Variants in PCYT1B observed in about 807,000 individuals in gnomAD.
PCYT1B encodes phosphate cytidylyltransferase 1B, choline.
Under a neutral mutation model 26.4 loss-of-function variants are expected in PCYT1B, and 10 were observed. That is an observed-to-expected ratio of 0.38 (90% CI 0.23 to 0.64). PCYT1B has a LOEUF of 0.64. Among genes scored for constraint, PCYT1B ranks in the 30% least tolerant of loss-of-function variants. The pLI is 0.56. For synonymous variants in PCYT1B, 131 were observed against 108.4 expected (o/e 1.21, Z -1.29); for missense variants, 161 against 292.7 (o/e 0.55, Z 3.28).
chrX:24,566,268 C>T (rs765575075), intron 7 of PCYT1B, among the ~76,000 whole-genome samples: 7 of 112,070 alleles, frequency 6.2e-5, no homozygotes, highest in East Asian at 2.8e-4. Context: ...TAACACACAA[C>T]ACTGCAAATT....
chrX:24,617,370 T>TG (rs1217125183), intron 2 of PCYT1B, among the ~76,000 whole-genome samples: 1 of 56,227 alleles, frequency 1.8e-5, no homozygotes, highest in South Asian at 7.7e-4. Context: ...TTGGTTTGTT[T>TG]GTTTTTTTTT....
chrX:24,648,156 A>G (rs191659515), upstream of PCYT1B, among the ~76,000 whole-genome samples: 1,152 of 111,994 alleles, frequency 0.01, 5 homozygotes, highest in Non-Finnish European at 0.018. Context: ...GTTAACGATC[A>G]GGTGCTTTAA....
chrX:24,579,564 A>G (rs1924140519), intron 5 of PCYT1B, 106 bp from the exon 6 acceptor site: 1 of 718,125 alleles, frequency 1.4e-6, no homozygotes, highest in Admixed American at 2.5e-5. Flanking sequence ...GCTCCTGGGT[A>G]TGCCAATGAA....
chrX:24,592,574 A>T (rs1167280697), intron 3 of PCYT1B, among the ~76,000 whole-genome samples: 2 of 111,172 alleles, frequency 1.8e-5, no homozygotes, highest in Admixed American at 1.9e-4. Context: ...TGATCTCCTG[A>T]TTCCAGCCTT....
At chrX:24,636,243 G>C (rs926127189) in intron 1 of PCYT1B, among the ~76,000 whole-genome samples, 17 of 112,439 alleles carry the variant, frequency 1.5e-4, no homozygotes, top group African/African-American at 4.5e-4. Context: ...ATACAATGTA[G>C]AGTGTTCCCT....
chrX:24,562,898 T>C (rs1304829527), intron 7 of PCYT1B, among the ~76,000 whole-genome samples: 1 of 110,364 alleles, frequency 9.1e-6, no homozygotes, highest in Non-Finnish European at 1.9e-5. Flanking sequence ...CGGCTAATTT[T>C]GTATTTTTAG....
intron 1 of PCYT1B, among the ~76,000 whole-genome samples, chrX:24,664,423 A>G (rs1450028280): frequency 8.9e-6 from 1 of 112,120 alleles, no homozygotes; most frequent in African/African-American, 3.2e-5. Context: ...AAAAAATCCA[A>G]GTAGTGTTCT....
chrX:24,634,038 G>A (rs184638741), intron 1 of PCYT1B, among the ~76,000 whole-genome samples: 1 of 110,624 alleles, frequency 9.0e-6, no homozygotes, highest in East Asian at 2.8e-4. Context: ...ATCCTCTTGC[G>A]TCAGCCTCCT....
intron 2 of PCYT1B, among the ~76,000 whole-genome samples, chrX:24,614,928 G>A (rs1179570485): frequency 1.8e-5 from 2 of 111,623 alleles, no homozygotes; most frequent in Non-Finnish European, 3.8e-5. Context: ...TCAAAGTGTG[G>A]TCCCAGGACT....
chrX:24,603,176 G>T (rs1331108256), intron 3 of PCYT1B, among the ~76,000 whole-genome samples: 1 of 112,475 alleles, frequency 8.9e-6, no homozygotes, highest in African/African-American at 3.2e-5. Flanking sequence ...TTCTTTTAGA[G>T]ATTGTGGGGA....
rs1305438006 is a variant in PCYT1B at position 24,629,579 on chromosome X, AAAAAAAAAAAAC to A, written c.118-10507_118-10496del. Among the ~76,000 whole-genome samples the A allele has an allele frequency of 9.1e-4, 91 of 100,091 alleles. 2 individuals carry two copies. Among genetic ancestry groups the A allele is most frequent in the South Asian group, 4.6e-4 (1 of 2,187 alleles). The allele number at this position is 100,091 out of a possible 115,157, so 86.9% of individuals were successfully genotyped here. A position where few individuals can be genotyped will look rare whatever the true frequency, so the allele number is the denominator to read the frequency against. On this transcript the variant is annotated intron_variant, in intron 1 of 7. Coordinates refer to ENST00000379144, the MANE Select transcript of PCYT1B (RefSeq NM_004845.5). The stretch of plus-strand genomic sequence containing the variant: ...TGTCTCAAAAAAAAAAAAAAAAAAA[AAAAAAAAAAAAC>A]AACACGTATTTTCCAACTTTATTTA...
In PCYT1B at chrX:24,563,554, A is replaced by G. The variant is rs760100347; in HGVS notation, c.898-1049T>C. Among the ~76,000 whole-genome samples, 131 of 111,681 alleles carry G rather than the reference A, an allele frequency of 1.2e-3. 1 individual carries two copies. The Middle Eastern group carries it at 0.014, about 12-fold the overall frequency. ...CAGAGAAGGCACAGAGGGCTGTGCCATGGAGGGCCTTGGCAGCCATTGTGA... is the reference window on the plus strand; with the variant it reads ...CAGAGAAGGCACAGAGGGCTGTGCCGTGGAGGGCCTTGGCAGCCATTGTGA... On this transcript the variant is annotated intron_variant, in intron 7 of 7. Transcript: ENST00000379144.
intron 3 of PCYT1B, among the ~76,000 whole-genome samples, chrX:24,603,872 A>G (rs762837110): frequency 8.9e-6 from 1 of 112,011 alleles, no homozygotes; most frequent in Non-Finnish European, 1.9e-5. Flanking sequence ...TATGTACATC[A>G]AAGGAAGATT....
chrX:24,630,386 C>G (rs959908804), intron 1 of PCYT1B, among the ~76,000 whole-genome samples: 2 of 111,413 alleles, frequency 1.8e-5, no homozygotes, highest in Non-Finnish European at 1.9e-5. Context: ...ACCTCCACCC[C>G]CTGAGTTCAC....
In PCYT1B at chrX:24,559,750, A is replaced by G. The variant is rs1487334137; in HGVS notation, c.*2543T>C. The G allele has an allele frequency of 8.9e-6, 1 of 111,969 alleles. No individual in the cohort carries two copies. The highest frequency in any genetic ancestry group is 1.9e-5 in the Non-Finnish European group (1 of 53,197). The allele number at this position is 111,969 out of a possible 1,213,427, so 9.2% of individuals were successfully genotyped here. ...TTACAGTTGACCTGCTGGCCCTAAC[A>G]AAGTGCAACCCGGTCTCTGCCTGGG... On this transcript the variant is annotated 3_prime_UTR_variant, in exon 8 of 8. Coordinates refer to ENST00000379144, the MANE Select transcript of PCYT1B (RefSeq NM_004845.5).
chrX:24,593,757 C>A lies in PCYT1B; in HGVS notation c.335-3583G>T, dbSNP rs1924687408. Among the ~76,000 whole-genome samples, 3 of 110,065 alleles carry A rather than the reference C, an allele frequency of 2.7e-5. No individual in the cohort carries two copies. In the South Asian group the frequency reaches 1.2e-3, roughly 42 times the overall value. The stretch of plus-strand genomic sequence containing the variant: ...GGCCAGGCTGGTCTCAAAGTCCTGA[C>A]TTCAAGTGATCCACCTGCCTCAGCC... On this transcript the variant is annotated intron_variant, in intron 3 of 7. Coordinates refer to ENST00000379144, the MANE Select transcript of PCYT1B (RefSeq NM_004845.5).
chrX:24,624,626 A>C (rs1266801621), intron 1 of PCYT1B, among the ~76,000 whole-genome samples: 1 of 111,877 alleles, frequency 8.9e-6, no homozygotes, highest in Non-Finnish European at 1.9e-5. Flanking sequence ...CGTGCAAAAC[A>C]GTGGAGGTCA....
chrX:24,664,122 A>G (rs190474889), intron 1 of PCYT1B, among the ~76,000 whole-genome samples: 2 of 110,545 alleles, frequency 1.8e-5, no homozygotes, highest in Admixed American at 9.7e-5. Context: ...TACTACTGGT[A>G]TCTAGTGGTT....
chrX:24,651,473 ATATATATATATATATATATATATAT>A (rs1478716473), upstream of PCYT1B, among the ~76,000 whole-genome samples: 8 of 28,063 alleles, frequency 2.9e-4, no homozygotes, highest in East Asian at 8.6e-3. Context: ...AAAAAAAAAA[ATATATATATATATATATATATATAT>A]ATATATATAT....
Sources: allele counts gnomAD v4.1 joint callset (sites outside exome capture counted in the v4.1 genomes callset), GRCh38; gene constraint gnomAD v4.1.1; transcripts MANE v1.5; gene names NCBI Gene and HGNC (gene_info 2026-07-23, HGNC 2026-07-21).